PRKG1: variants seen among roughly 807,000 people sequenced by gnomAD.
PRKG1 encodes protein kinase cGMP-dependent 1, also known as cGMP-dependent protein kinase 1.
In PRKG1, 35 loss-of-function variants were observed where a neutral mutation model predicts 88.1. That is an observed-to-expected ratio of 0.40 (90% confidence interval 0.30 to 0.53). PRKG1 has a LOEUF of 0.53. Ranked by LOEUF, PRKG1 falls within the 20% of genes least tolerant of loss-of-function variation. The pLI is 0.59. For missense variants in PRKG1, 540 were observed against 839.8 expected (o/e 0.64, Z 4.41); for synonymous variants, 303 against 292.5 (o/e 1.04, Z -0.37).
intron 4 of PRKG1, among the ~76,000 whole-genome samples, chr10:51,871,280 T>C (rs1482542534): frequency 6.6e-6 from 1 of 152,188 alleles, no homozygotes; most frequent in African/African-American, 2.4e-5. Context: ...TCACTGTTAG[T>C]AGAGTTTTAA....
At chr10:51,487,526 AG>A (rs1490160258) in intron 3 of PRKG1, among the ~76,000 whole-genome samples, 1 of 152,122 alleles carries the variant, frequency 6.6e-6, no homozygotes, top group Non-Finnish European at 1.5e-5. Flanking sequence ...GCCCCCCAGA[AG>A]CCCCACCTGG....
At chr10:51,011,323 T>C (rs1365217352) in intron 1 of PRKG1, among the ~76,000 whole-genome samples, 2 of 152,078 alleles carry the variant, frequency 1.3e-5, no homozygotes, top group Admixed American at 6.5e-5. Flanking sequence ...TACCCACCAG[T>C]AACAGCCCTC....
chr10:51,909,750 T>C (rs1190858344), intron 5 of PRKG1: 1 of 151,874 alleles, frequency 6.6e-6, no homozygotes, highest in Non-Finnish European at 1.5e-5. Flanking sequence ...GCTTTTTGCT[T>C]GTTAAAATCC....
chr10:51,597,975 A>C (rs1385597067), intron 3 of PRKG1, among the ~76,000 whole-genome samples: 1 of 152,188 alleles, frequency 6.6e-6, no homozygotes, highest in African/African-American at 2.4e-5. Context: ...CTAGAAGGAG[A>C]TATATCCCTA....
chr10:51,628,700 C>T (rs1230708696), intron 3 of PRKG1, among the ~76,000 whole-genome samples: 1 of 151,976 alleles, frequency 6.6e-6, no homozygotes, highest in Non-Finnish European at 1.5e-5. Flanking sequence ...TGGCTCACGC[C>T]TGTAATCCCA....
chr10:51,529,116 A>C lies in PRKG1; in HGVS notation c.592+61280A>C, dbSNP rs369865831. 8.5e-5 allele frequency among the ~76,000 whole-genome samples: 13 copies of C among 152,176 alleles called. No homozygotes were observed. In the East Asian group the frequency reaches 2.5e-3, roughly 29 times the overall value. On this transcript the variant is annotated intron_variant, in intron 3 of 17. Transcript: ENST00000373980. Reference sequence around the variant, plus strand: ...AATCTCTTCTATCTCAGTAGATGGCACCACTATTTCCTGACTTTACTTATT... The same window carrying C: ...AATCTCTTCTATCTCAGTAGATGGCCCCACTATTTCCTGACTTTACTTATT...
At chr10:51,673,553 C>T (rs1481356808) in intron 3 of PRKG1, among the ~76,000 whole-genome samples, 2 of 152,076 alleles carry the variant, frequency 1.3e-5, no homozygotes, top group Admixed American at 6.6e-5. Context: ...TTTTATTTTA[C>T]ACTAAGTGAT....
At chr10:51,970,344 A>T (rs573925838) in intron 5 of PRKG1, among the ~76,000 whole-genome samples, 78 of 151,934 alleles carry the variant, frequency 5.1e-4, no homozygotes, top group African/African-American at 1.8e-3. Context: ...TATTACATTT[A>T]GTTGTCATGT....
At chr10:51,937,525 C>A (rs1312889136) in intron 5 of PRKG1, among the ~76,000 whole-genome samples, 1 of 151,976 alleles carries the variant, frequency 6.6e-6, no homozygotes, top group Non-Finnish European at 1.5e-5. Context: ...TCGTTCCAGT[C>A]TGACTTAAGA....
At chr10:51,077,108 T>C (rs1443375004) in intron 1 of PRKG1, among the ~76,000 whole-genome samples, 4 of 152,306 alleles carry the variant, frequency 2.6e-5, no homozygotes, top group Non-Finnish European at 2.9e-5. Context: ...GTACATTGTA[T>C]GCAAAATGAA....
intron 2 of PRKG1, chr10:51,299,702 T>C (rs1343793271): frequency 4.6e-6 from 2 of 439,334 alleles, no homozygotes; most frequent in South Asian, 3.3e-5. Context: ...GCCACAGGTA[T>C]ATTGCTCTCT....
At chr10:51,535,725 ATTT>A (rs34150180) in intron 3 of PRKG1, among the ~76,000 whole-genome samples, 6,241 of 145,022 alleles carry the variant, frequency 0.043, 178 homozygotes, top group Middle Eastern at 0.071. Context: ...GAAATCAATG[ATTT>A]TTTTTTTTTT....
intron 2 of PRKG1, among the ~76,000 whole-genome samples, chr10:51,392,947 C>A (rs1480387873): frequency 1.5e-5 from 1 of 67,376 alleles, no homozygotes; most frequent in Non-Finnish European, 4.0e-5. Context: ...GGCGGCTGGC[C>A]GGGCTGAGGG....
intron 1 of PRKG1, among the ~76,000 whole-genome samples, chr10:51,061,460 T>C (rs1000534298): frequency 5.3e-5 from 8 of 152,298 alleles, no homozygotes; most frequent in Non-Finnish European, 1.2e-4. Context: ...GTCTTTTATA[T>C]TTATTGTGCT....
chr10:51,551,173 C>T (rs1034504104), intron 3 of PRKG1, among the ~76,000 whole-genome samples: 1 of 151,812 alleles, frequency 6.6e-6, no homozygotes, highest in African/African-American at 2.4e-5. Flanking sequence ...AACCAACATG[C>T]ATTTCACGTT....
At chr10:52,158,002 T>G (rs138215178) in intron 8 of PRKG1, among the ~76,000 whole-genome samples, 4 of 151,768 alleles carry the variant, frequency 2.6e-5, no homozygotes, top group African/African-American at 9.6e-5. Flanking sequence ...AACAGAAAAT[T>G]TTGAATGAAA....
At chr10:52,144,512 C>G (rs1285730602) in intron 8 of PRKG1, among the ~76,000 whole-genome samples, 1 of 152,110 alleles carries the variant, frequency 6.6e-6, no homozygotes, top group South Asian at 2.1e-4. Context: ...AGCTTAAGAG[C>G]CTTAACTTTA....
chr10:51,172,617 T>A lies in PRKG1; in HGVS notation c.478+19287T>A, dbSNP rs192358673. Among the ~76,000 whole-genome samples, 159 of 37,282 alleles carry A rather than the reference T, an allele frequency of 4.3e-3. 2 individuals carry two copies. The East Asian group carries it at 0.069, about 16-fold the overall frequency. The allele number at this position is 37,282 out of a possible 152,430, so 24.5% of individuals were successfully genotyped here. ...ATGTCTGTCTATGTATGTATGTATGTATGTATGTATGTATGTATGTATGTA... is the reference window on the plus strand; with the variant it reads ...ATGTCTGTCTATGTATGTATGTATGAATGTATGTATGTATGTATGTATGTA... On this transcript the variant is annotated intron_variant, in intron 2 of 17. Coordinates refer to ENST00000373980, the MANE Select transcript of PRKG1 (RefSeq NM_006258.4).
At position 51,957,982 on chromosome 10, in the gene PRKG1, G is replaced by A. The variant is rs867563438; in HGVS notation, c.762+50412G>A. 2.0e-5 allele frequency among the ~76,000 whole-genome samples: 3 copies of A among 152,038 alleles called. No individual in the cohort carries two copies. In the South Asian group the frequency reaches 6.2e-4, roughly 32 times the overall value. On this transcript the variant is annotated intron_variant, in intron 5 of 17. Transcript: ENST00000373980. ...CTTTTTGAATGAATAATAATGTAAAGGGCAAAATTCTCAAAGTAGAGTATC... is the reference window on the plus strand; with the variant it reads ...CTTTTTGAATGAATAATAATGTAAAAGGCAAAATTCTCAAAGTAGAGTATC...
Sources: allele counts gnomAD v4.1 joint callset (sites outside exome capture counted in the v4.1 genomes callset), GRCh38; gene constraint gnomAD v4.1.1; transcripts MANE v1.5; gene names NCBI Gene and HGNC (gene_info 2026-07-23, HGNC 2026-07-21).